The following MYOM3 variants were observed in gnomAD, a reference collection of about 807,000 sequenced individuals.
MYOM3 encodes the protein myomesin-3.
A neutral mutation model predicts 191.7 loss-of-function variants in MYOM3; 155 were observed. That is an observed-to-expected ratio of 0.81 (90% CI 0.71 to 0.92). The LOEUF (loss-of-function observed/expected upper bound fraction) is 0.92, where lower values mean the gene tolerates loss of function less well. MYOM3 is among the 40% of genes least tolerant of loss of function. MYOM3 has a pLI of 0.00. For synonymous variants in MYOM3, 757 were observed against 762.9 expected (o/e 0.99, Z 0.13); for missense variants, 1,889 against 1,890.6 (o/e 1.00, Z 0.02).
At chr1:24,081,584 A>AC in intron 18 of MYOM3, 128 bp from the exon 19 acceptor site, 7 of 1,126,068 alleles carry the variant, frequency 6.2e-6, no homozygotes, top group East Asian at 2.5e-5. Flanking sequence ...ATTTTTTGAG[A>AC]CATGGTCTCA....
chr1:24,067,439 CTTCCTTTG>C (rs1345707886), intron 27 of MYOM3, among the ~76,000 whole-genome samples: 1 of 108,742 alleles, frequency 9.2e-6, no homozygotes, highest in African/African-American at 3.6e-5. Flanking sequence ...TCCTTCCTTC[CTTCCTTTG>C]TTTCCTTCCT....
At chr1:24,079,688 T>C (rs1196990353) in intron 20 of MYOM3, among the ~76,000 whole-genome samples, 2 of 152,238 alleles carry the variant, frequency 1.3e-5, no homozygotes, top group East Asian at 1.9e-4. Context: ...CTTAGATCTT[T>C]GCACGTTTGC....
Position 24,071,166 on chromosome 1 carries a change from G to C in MYOM3, c.3101C>G (p.Ala1034Gly), listed in dbSNP as rs1643527552. 6.2e-7 allele frequency: 1 copy of C among 1,614,172 alleles called. No homozygotes were observed. Among genetic ancestry groups the C allele is most frequent in the Non-Finnish European group, 8.5e-7 (1 of 1,180,020 alleles). Reference protein sequence around the residue: ...LWLEVEKLSPAAELHLIFNNK... With the variant: ...LWLEVEKLSPGAELHLIFNNK... Reference sequence around the variant, plus strand: ...GTTGAAGATTAGATGTAGCTCAGCGGCTGGAGATAACTTTTCTACTTCCAG... The same window carrying C: ...GTTGAAGATTAGATGTAGCTCAGCGCCTGGAGATAACTTTTCTACTTCCAG... Residue 1034 changes from alanine to glycine, a missense_variant, in exon 25 of 37, where the codon GCC (alanine) becomes GGC (glycine). By Grantham distance (60) the Ala-to-Gly change is moderately conservative. Transcript: ENST00000374434.
intron 12 of MYOM3, among the ~76,000 whole-genome samples, chr1:24,090,452 G>T (rs114846041): frequency 1.3e-5 from 2 of 152,190 alleles, no homozygotes; most frequent in African/African-American, 4.8e-5. Context: ...AGAGGAGGCC[G>T]TGTCCCCGCA....
chr1:24,061,295 TTGCATCCTCA>T lies in MYOM3; in HGVS notation c.3939_3948del (p.Phe1313LeufsTer8). The T allele has an allele frequency of 6.2e-7, 1 of 1,614,012 alleles. No individual in the cohort carries two copies. Among genetic ancestry groups the T allele is most frequent in the Non-Finnish European group, 8.5e-7 (1 of 1,179,978 alleles). On this transcript the variant is annotated frameshift_variant, in exon 34 of 37. Coordinates refer to ENST00000374434, the MANE Select transcript of MYOM3 (RefSeq NM_152372.4). LOFTEE classifies it high-confidence loss of function. Reference sequence around the variant, plus strand: ...TACTTCAGTCTCTGGTGTTCAGCCATTGCATCCTCAAAAGCTATAAGAAGGACAGAGGAGA... The same window carrying T: ...TACTTCAGTCTCTGGTGTTCAGCCATAAAGCTATAAGAAGGACAGAGGAGA...
At chr1:24,069,339 A>C (rs1246218051) in intron 25 of MYOM3, among the ~76,000 whole-genome samples, 1 of 152,188 alleles carries the variant, frequency 6.6e-6, no homozygotes, top group Non-Finnish European at 1.5e-5. Flanking sequence ...TCATTGCACA[A>C]GCTTTATGCA....
chr1:24,087,654 CA>C lies in MYOM3; in HGVS notation c.1615-828del, dbSNP rs1347133962. On this transcript the variant is annotated intron_variant, in intron 14 of 36. Coordinates refer to ENST00000374434, the MANE Select transcript of MYOM3 (RefSeq NM_152372.4). The surrounding 1 kb of genome is among the most constrained non-coding windows in gnomAD (Gnocchi z 4.5). ...CCACCTTCCTGGGCAGTGGGGAGGCCATCCCAGCCACTCCATCTAAAAATGT... is the reference window on the plus strand; with the variant it reads ...CCACCTTCCTGGGCAGTGGGGAGGCCTCCCAGCCACTCCATCTAAAAATGT... Among the ~76,000 whole-genome samples, 1 of 152,104 alleles carries C rather than the reference CA, an allele frequency of 6.6e-6. No homozygotes were observed. The highest frequency in any genetic ancestry group is 1.5e-5 in the Non-Finnish European group (1 of 68,010).
chr1:24,097,852 A>C (rs141870179), intron 7 of MYOM3, 71 bp downstream of exon 7: 1 of 1,018,804 alleles, frequency 9.8e-7, no homozygotes, highest in East Asian at 2.4e-5. Context: ...TCTCACGCAG[A>C]CCCATGTCCT....
chr1:24,067,345 T>TTTCCTTCTTTCTTTCTTTCC, intron 27 of MYOM3, among the ~76,000 whole-genome samples: 1 of 83,240 alleles, frequency 1.2e-5, no homozygotes, highest in East Asian at 3.9e-4. Context: ...TCTTTCTTTC[T>TTTCCTTCTTTCTTTCTTTCC]TTCTTTCTTT....
chr1:24,105,466 G>C (rs3934861), intron 5 of MYOM3, among the ~76,000 whole-genome samples: 1 of 152,092 alleles, frequency 6.6e-6, no homozygotes, highest in African/African-American at 2.4e-5. Flanking sequence ...GCCTCTCACC[G>C]TCATCCTCAA....
chr1:24,096,839 C>CA (rs1324091623), intron 7 of MYOM3, among the ~76,000 whole-genome samples: 2 of 152,244 alleles, frequency 1.3e-5, no homozygotes, highest in Non-Finnish European at 2.9e-5. Flanking sequence ...CCCCCTTGGG[C>CA]AGTGCCCTGC....
chr1:24,070,927 C>A (rs1019813703), intron 25 of MYOM3, among the ~76,000 whole-genome samples, 190 bp downstream of exon 25: 1 of 152,066 alleles, frequency 6.6e-6, no homozygotes, highest in African/African-American at 2.4e-5. Flanking sequence ...CCAACCCCAC[C>A]CCCAACACCA....
At chr1:24,090,235 C>T (rs541794310) in intron 12 of MYOM3, 117 bp from the exon 13 acceptor site, 135 of 813,614 alleles carry the variant, frequency 1.7e-4, no homozygotes, top group African/African-American at 5.5e-4. Flanking sequence ...TTGCAGCCCT[C>T]GCTGTGCAAC....
rs751124530 is a variant in MYOM3 at position 24,097,940 on chromosome 1, G to T, written c.728C>A (p.Ala243Asp). 6.2e-7 allele frequency: 1 copy of T among 1,613,508 alleles called. No homozygotes were observed. The highest frequency in any genetic ancestry group is 1.7e-5 in the Admixed American group (1 of 60,034). ...GGACTTACTGCGGACGAGGACTTTGGCGAAGGAGGAGGCCTGGCCGTGGGC... is the reference window on the plus strand; with the variant it reads ...GGACTTACTGCGGACGAGGACTTTGTCGAAGGAGGAGGCCTGGCCGTGGGC... Reference protein sequence around the residue: ...KNAHGQASSFAKVLVRTYLGK... With the variant: ...KNAHGQASSFDKVLVRTYLGK... The change falls in exon 7 of 37, where the codon GCC becomes GAC. Residue 243 changes from alanine to aspartate, a missense_variant. Coordinates refer to ENST00000374434, the MANE Select transcript of MYOM3 (RefSeq NM_152372.4).
intron 7 of MYOM3, among the ~76,000 whole-genome samples, chr1:24,096,045 A>G (rs1343271128): frequency 6.6e-6 from 1 of 152,214 alleles, no homozygotes; most frequent in African/African-American, 2.4e-5. Context: ...TATCTTCACA[A>G]CAGCCCTGTC....
intron 28 of MYOM3, chr1:24,066,733 C>G (rs932981319): frequency 2.2e-6 from 1 of 453,434 alleles, no homozygotes; most frequent in Non-Finnish European, 3.9e-6. Context: ...CATATAAACC[C>G]TCGTGGGCTC....
intron 14 of MYOM3, among the ~76,000 whole-genome samples, chr1:24,088,981 G>C (rs1643779245): frequency 6.6e-6 from 1 of 152,144 alleles, no homozygotes; most frequent in African/African-American, 2.4e-5. Context: ...TTGACACCAT[G>C]CTGTCTTCTA....
At chr1:24,061,897 A>G in intron 33 of MYOM3, 49 bp downstream of exon 33, 2 of 1,608,354 alleles carry the variant, frequency 1.2e-6, no homozygotes, top group Non-Finnish European at 8.5e-7. Context: ...CAGACTGTCC[A>G]TGGGATTTTC....
Position 24,089,596 on chromosome 1 carries a change from A to G in MYOM3, c.1556T>C (p.Leu519Pro). 6.3e-7 allele frequency: 1 copy of G among 1,596,286 alleles called. No individual in the cohort carries two copies. Among genetic ancestry groups the G allele is most frequent in the South Asian group, 1.1e-5 (1 of 87,742 alleles). The change falls in exon 14 of 37, where the codon CTG becomes CCG. Residue 519 changes from leucine to proline, a missense_variant. Transcript: ENST00000374434. ...CCGGGGGCTGGGCTCCTCCCAGGCC[A>G]GAACCACATAGGCCTCTCGGATCTC... is the stretch of plus-strand genomic sequence containing the variant. ...ASEIREAYVV[L>P]AWEEPSPRDR...
Sources: gnomAD v4.1 joint callset for allele counts (sites outside exome capture counted in the v4.1 genomes callset) on GRCh38, gnomAD v4.1.1 for gene constraint, Gnocchi (gnomAD v3.1) non-coding constraint, MANE v1.5 for transcripts, NCBI Gene and HGNC (gene_info 2026-07-23, HGNC 2026-07-21) for gene names.